Variants in ANKS1B observed in about 807,000 individuals in gnomAD.
ANKS1B encodes ankyrin repeat and sterile alpha motif domain-containing protein 1B.
In ANKS1B, 36 loss-of-function variants were observed where a neutral mutation model predicts 148.3. The ratio of observed to expected loss-of-function variants is 0.24; its 90% confidence interval spans 0.19 to 0.32. The LOEUF is 0.32. Ranked by LOEUF, ANKS1B falls within the 10% of genes least tolerant of loss-of-function variation. ANKS1B has a pLI of 1.00. For synonymous variants in ANKS1B, 542 were observed against 560.8 expected (o/e 0.97, Z 0.47); for missense variants, 1,157 against 1,542.6 (o/e 0.75, Z 4.19).
chr12:99,782,102 A>G lies in ANKS1B; in HGVS notation c.670-5T>C, dbSNP rs1416205636. On this transcript the variant is annotated splice_region_variant and splice_polypyrimidine_tract_variant and intron_variant, in intron 4 of 26. Transcript: ENST00000683438. ...AAGTGCACTCCCCTTTTCTGTCTGGAAAAAAAAAAGTAAGAAAAAAGAAAG... is the reference window on the plus strand; with the variant it reads ...AAGTGCACTCCCCTTTTCTGTCTGGGAAAAAAAAAGTAAGAAAAAAGAAAG... 4 of 1,371,802 alleles carry G rather than the reference A, an allele frequency of 2.9e-6. No individual in the cohort carries two copies. Among genetic ancestry groups the G allele is most frequent in the Admixed American group, 2.2e-5 (1 of 44,588 alleles). 85.0% of individuals were successfully genotyped at this position (1,371,802 alleles called of 1,614,324 possible). A position where few individuals can be genotyped will look rare whatever the true frequency, so the allele number is the denominator to read the frequency against.
In ANKS1B at chr12:99,715,624, G is replaced by T. The variant is rs553977803; in HGVS notation, c.1128+57298C>A. Among the ~76,000 whole-genome samples, 3 of 152,198 alleles carry T rather than the reference G, an allele frequency of 2.0e-5. No individual in the cohort carries two copies. The East Asian group carries it at 5.8e-4, about 29-fold the overall frequency. On this transcript the variant is annotated intron_variant, in intron 8 of 26. Coordinates refer to ENST00000683438, the MANE Select transcript of ANKS1B (RefSeq NM_001352186.2). ...CCGTGACTCGGATCAGGGGACCCTT[G>T]GAGATCCCTTGGGAGATCAATCCCC...
At chr12:98,889,357 T>A (rs200808823) in intron 17 of ANKS1B, among the ~76,000 whole-genome samples, 15,917 of 152,052 alleles carry the variant, frequency 0.1, 1,243 homozygotes, top group East Asian at 0.37. Flanking sequence ...TTTATTTTTT[T>A]TTTTTTTGAG....
At chr12:99,462,000 T>A (rs929549084) in intron 10 of ANKS1B, among the ~76,000 whole-genome samples, 17 of 152,198 alleles carry the variant, frequency 1.1e-4, no homozygotes, top group African/African-American at 3.9e-4. Flanking sequence ...CCTTTCCATC[T>A]TCACATTTAC....
In ANKS1B at chr12:99,902,656, T is replaced by C. The variant is rs540199600; in HGVS notation, c.135-77267A>G. Among the ~76,000 whole-genome samples, 17 of 152,250 alleles carry C rather than the reference T, an allele frequency of 1.1e-4. No homozygotes were observed. In the East Asian group the frequency reaches 3.3e-3, roughly 29 times the overall value. On this transcript the variant is annotated intron_variant, in intron 1 of 26. Transcript: ENST00000683438. ...GGTTGAGCAGCTGTGTATATGGTGATCTATTGATTGAGACTACAAAGATTA... is the reference window on the plus strand; with the variant it reads ...GGTTGAGCAGCTGTGTATATGGTGACCTATTGATTGAGACTACAAAGATTA...
intron 8 of ANKS1B, among the ~76,000 whole-genome samples, chr12:99,723,850 G>A (rs114238165): frequency 3.9e-5 from 6 of 152,046 alleles, no homozygotes; most frequent in Admixed American, 1.3e-4. Context: ...GCACAGGAGC[G>A]AGCCAGATGA....
intron 9 of ANKS1B, among the ~76,000 whole-genome samples, chr12:99,614,994 C>A (rs2097940494): frequency 6.6e-6 from 1 of 150,914 alleles, no homozygotes; most frequent in Non-Finnish European, 1.5e-5. Flanking sequence ...ACTTGCACCC[C>A]CACCTTGAAA....
At chr12:99,854,019 G>C (rs2088517549) in intron 1 of ANKS1B, among the ~76,000 whole-genome samples, 1 of 152,108 alleles carries the variant, frequency 6.6e-6, no homozygotes, top group South Asian at 2.1e-4. Flanking sequence ...GTTTTGTTTT[G>C]TTTTGTTTTG....
In ANKS1B at chr12:98,751,259, G is replaced by T; in HGVS notation, c.3747+96C>A. On this transcript the variant is annotated intron_variant, in intron 26 of 26. Coordinates refer to ENST00000683438, the MANE Select transcript of ANKS1B (RefSeq NM_001352186.2). The surrounding 1 kb of genome is among the most constrained non-coding windows in gnomAD (Gnocchi z 4.3). The stretch of plus-strand genomic sequence containing the variant: ...GGGAAAGGATGAAGAAGAGGCCCTG[G>T]GTTCTAATGGCACCCACACCACACA... 1 of 1,281,238 alleles carries T rather than the reference G, an allele frequency of 7.8e-7. No homozygotes were observed. The highest frequency in any genetic ancestry group is 1.1e-6 in the Non-Finnish European group (1 of 933,298). 79.4% of individuals were successfully genotyped at this position (1,281,238 alleles called of 1,614,324 possible).
intron 14 of ANKS1B, among the ~76,000 whole-genome samples, chr12:99,157,902 A>G (rs1015797761): frequency 6.6e-6 from 1 of 152,186 alleles, no homozygotes; most frequent in Non-Finnish European, 1.5e-5. Flanking sequence ...ACTCAGAGAA[A>G]ATACTGGTTA....
chr12:98,952,194 C>A (rs1420885903), intron 17 of ANKS1B, among the ~76,000 whole-genome samples: 5 of 152,134 alleles, frequency 3.3e-5, no homozygotes, highest in Non-Finnish European at 7.4e-5. Context: ...TTCATAACAT[C>A]TTTGTGAGAC....
At chr12:99,507,159 T>C (rs769888066) in intron 9 of ANKS1B, among the ~76,000 whole-genome samples, 6 of 152,046 alleles carry the variant, frequency 3.9e-5, no homozygotes, top group South Asian at 2.1e-4. Context: ...CCAGTTTGCA[T>C]ATAAAAAGTG....
intron 19 of ANKS1B, among the ~76,000 whole-genome samples, chr12:98,826,558 T>C (rs1408305780): frequency 6.6e-6 from 1 of 152,008 alleles, no homozygotes; most frequent in African/African-American, 2.4e-5. Flanking sequence ...ACTCTAATGG[T>C]AGCTCAGCTA....
chr12:99,902,118 T>C (rs184566418), intron 1 of ANKS1B, among the ~76,000 whole-genome samples: 3 of 152,224 alleles, frequency 2.0e-5, no homozygotes, highest in Admixed American at 2.0e-4. Flanking sequence ...TGGGAGAAGA[T>C]AGTAAAAGAG....
chr12:98,798,903 T>A (rs2098976194), intron 22 of ANKS1B, 31 bp downstream of exon 22: 1 of 1,583,814 alleles, frequency 6.3e-7, no homozygotes, highest in Non-Finnish European at 8.6e-7. Context: ...GTATTTCAGC[T>A]ACTAGAAATA....
intron 14 of ANKS1B, among the ~76,000 whole-genome samples, chr12:99,171,167 A>G (rs2077716752): frequency 6.6e-6 from 1 of 152,190 alleles, no homozygotes. Context: ...CTCGACTAAC[A>G]AATCTATTTT....
At chr12:98,931,392 A>T (rs2099813571) in intron 17 of ANKS1B, among the ~76,000 whole-genome samples, 1 of 152,192 alleles carries the variant, frequency 6.6e-6, no homozygotes, top group African/African-American at 2.4e-5. Flanking sequence ...TAAGATGAGA[A>T]TAAGAAAGGG....
chr12:99,382,203 G>A (rs995419934), intron 12 of ANKS1B, among the ~76,000 whole-genome samples: 1 of 152,140 alleles, frequency 6.6e-6, no homozygotes, highest in Admixed American at 6.5e-5. Flanking sequence ...CTGCTTTAAC[G>A]AAGGTGAGTC....
chr12:99,565,012 C>A (rs1265451471), intron 9 of ANKS1B, among the ~76,000 whole-genome samples: 2 of 151,872 alleles, frequency 1.3e-5, no homozygotes, highest in African/African-American at 4.8e-5. Flanking sequence ...ATTTGGATAC[C>A]CAATCAAGTT....
At chr12:99,646,652 CAAAAAAAAAAAAAAAA>C (rs35481645) in intron 9 of ANKS1B, among the ~76,000 whole-genome samples, 1 of 35,882 alleles carries the variant, frequency 2.8e-5, no homozygotes, top group Non-Finnish European at 4.9e-5. Flanking sequence ...GACTCCATCT[CAAAAAAAAAAAAAAAA>C]AAAAAAAAAA....
Sources: allele counts gnomAD v4.1 joint callset (sites outside exome capture counted in the v4.1 genomes callset), GRCh38; gene constraint gnomAD v4.1.1; non-coding constraint Gnocchi (gnomAD v3.1); transcripts MANE v1.5; gene names NCBI Gene and HGNC (gene_info 2026-07-23, HGNC 2026-07-21).